The following RIMS2 variants were observed in gnomAD, a reference collection of about 807,000 sequenced individuals.
RIMS2 encodes the protein regulating synaptic membrane exocytosis protein 2.
Under a neutral mutation model 174.4 loss-of-function variants are expected in RIMS2, and 59 were observed. The ratio of observed to expected loss-of-function variants is 0.34; its 90% CI spans 0.27 to 0.42. RIMS2 has a LOEUF of 0.42. RIMS2 is among the 10% of genes least tolerant of loss of function. The pLI is 1.00. For synonymous variants in RIMS2, 606 were observed against 572.5 expected (o/e 1.06, Z -0.84); for missense variants, 1,620 against 1,666.3 (o/e 0.97, Z 0.48).
chr8:103,655,004 G>A (rs1161284160), intron 1 of RIMS2, among the ~76,000 whole-genome samples: 1 of 151,630 alleles, frequency 6.6e-6, no homozygotes, highest in Non-Finnish European at 1.5e-5. Flanking sequence ...GATGATGTAG[G>A]CTTCTTGAGG....
intron 2 of RIMS2, among the ~76,000 whole-genome samples, chr8:103,762,812 G>T (rs190884961): frequency 2.1e-4 from 32 of 152,270 alleles, no homozygotes; most frequent in Admixed American, 1.8e-3. Context: ...TAGGCTAGAT[G>T]ATATAGTCTG....
intron 13 of RIMS2, among the ~76,000 whole-genome samples, chr8:103,941,882 C>G (rs894155831): frequency 6.6e-6 from 1 of 152,082 alleles, no homozygotes; most frequent in African/African-American, 2.4e-5. Context: ...AGCCTTGGTA[C>G]TTTTGCTTAT....
intron 14 of RIMS2, among the ~76,000 whole-genome samples, chr8:103,958,432 G>A (rs1224377986): frequency 6.6e-6 from 1 of 152,086 alleles, no homozygotes; most frequent in Non-Finnish European, 1.5e-5. Context: ...ATAGAAAGGA[G>A]CAGAAAACAT....
chr8:104,156,961 A>C (rs777260202), intron 19 of RIMS2, among the ~76,000 whole-genome samples: 1 of 152,232 alleles, frequency 6.6e-6, no homozygotes. Flanking sequence ...TAATAGTATT[A>C]TCTTTTCACA....
At chr8:103,558,441 C>G (rs2090933468) in intron 1 of RIMS2, among the ~76,000 whole-genome samples, 1 of 152,146 alleles carries the variant, frequency 6.6e-6, no homozygotes, top group Non-Finnish European at 1.5e-5. Context: ...CCAGGGTGGT[C>G]TCAAACTCCA....
At chr8:104,187,843 T>G (rs1024986694) in intron 19 of RIMS2, among the ~76,000 whole-genome samples, 1 of 151,942 alleles carries the variant, frequency 6.6e-6, no homozygotes, top group East Asian at 1.9e-4. Flanking sequence ...TAAAAAAATG[T>G]TCCTCTTAAC....
intron 1 of RIMS2, among the ~76,000 whole-genome samples, chr8:103,593,630 G>T (rs2133395754): frequency 6.6e-6 from 1 of 151,492 alleles, no homozygotes. Flanking sequence ...CACAGAAGCA[G>T]ATATGAAAAT....
At chr8:103,731,042 C>T (rs927410422) in intron 2 of RIMS2, among the ~76,000 whole-genome samples, 1 of 152,088 alleles carries the variant, frequency 6.6e-6, no homozygotes, top group African/African-American at 2.4e-5. Flanking sequence ...GGGAACTCCT[C>T]TTTATAAAAC....
intron 2 of RIMS2, among the ~76,000 whole-genome samples, chr8:103,749,132 G>C (rs1333485945): frequency 7.3e-6 from 1 of 137,656 alleles, no homozygotes; most frequent in South Asian, 2.3e-4. Context: ...TCTTTTTTGA[G>C]ACGGGGTCTC....
intron 19 of RIMS2, among the ~76,000 whole-genome samples, chr8:104,088,332 C>T (rs1400807876): frequency 6.6e-6 from 1 of 151,898 alleles, no homozygotes; most frequent in Non-Finnish European, 1.5e-5. Flanking sequence ...ACTGCAGTGC[C>T]AGAATTCCCT....
intron 3 of RIMS2, among the ~76,000 whole-genome samples, chr8:103,782,205 C>CTA (rs1338887248): frequency 6.6e-6 from 1 of 151,218 alleles, no homozygotes; most frequent in East Asian, 1.9e-4. Context: ...TATACGTACA[C>CTA]TATATATATA....
At position 103,756,546 on chromosome 8, in the gene RIMS2, T is replaced by A. The variant is rs374167644; in HGVS notation, c.388-9681T>A. Among the ~76,000 whole-genome samples the A allele has an allele frequency of 2.0e-5, 3 of 152,024 alleles. No individual in the cohort carries two copies. In the East Asian group the frequency reaches 5.8e-4, roughly 30 times the overall value. On this transcript the variant is annotated intron_variant, in intron 2 of 23. Transcript: ENST00000504942. ...ACCTGCTGGGCTCAACTGATCCTCC[T>A]GTCTCAGCCCTATGGTGGGGTGGGC...
intron 19 of RIMS2, among the ~76,000 whole-genome samples, chr8:104,120,150 G>A (rs2098349868): frequency 6.6e-6 from 1 of 152,110 alleles, no homozygotes; most frequent in South Asian, 2.1e-4. Context: ...GAGCAAACCA[G>A]ATGATCTTCA....
intron 19 of RIMS2, among the ~76,000 whole-genome samples, chr8:104,044,938 T>C (rs1597667059): frequency 1.3e-5 from 2 of 151,852 alleles, no homozygotes; most frequent in East Asian, 3.9e-4. Flanking sequence ...AGGAAATTAT[T>C]TTAGAAAAGG....
chr8:104,153,681 G>A (rs1007814865), intron 19 of RIMS2, among the ~76,000 whole-genome samples: 1 of 152,022 alleles, frequency 6.6e-6, no homozygotes, highest in African/African-American at 2.4e-5. Context: ...GATTATATAT[G>A]GTAACTTGAA....
At chr8:104,038,881 A>G (rs996746215) in intron 19 of RIMS2, among the ~76,000 whole-genome samples, 18 of 151,968 alleles carry the variant, frequency 1.2e-4, no homozygotes, top group African/African-American at 4.3e-4. Context: ...TTTATTTGCT[A>G]AAGTTATATT....
chr8:103,639,878 C>G (rs968464245), intron 1 of RIMS2, among the ~76,000 whole-genome samples: 1 of 151,836 alleles, frequency 6.6e-6, no homozygotes, highest in Non-Finnish European at 1.5e-5. Context: ...CACAAAATAA[C>G]TTGATGAGAT....
chr8:103,835,855 A>G (rs2098884141), intron 3 of RIMS2, among the ~76,000 whole-genome samples: 1 of 152,208 alleles, frequency 6.6e-6, no homozygotes, highest in South Asian at 2.1e-4. Context: ...AGAATATATA[A>G]CTTTTCAATA....
intron 2 of RIMS2, among the ~76,000 whole-genome samples, chr8:103,706,123 T>C (rs1232037474): frequency 1.3e-5 from 2 of 152,116 alleles, no homozygotes; most frequent in Non-Finnish European, 2.9e-5. Context: ...TATTTTATAG[T>C]TATAGAAAGT....
Sources: allele counts gnomAD v4.1 joint callset (sites outside exome capture counted in the v4.1 genomes callset), GRCh38; gene constraint gnomAD v4.1.1; transcripts MANE v1.5; gene names NCBI Gene and HGNC (gene_info 2026-07-23, HGNC 2026-07-21).